CD59: variants seen among roughly 807,000 people sequenced by gnomAD.
CD59 encodes the protein CD59 molecule (CD59 blood group).
In CD59, 3 loss-of-function variants were observed where a neutral mutation model predicts 7.0. The observed-to-expected ratio is 0.43, with a 90% confidence interval of 0.19 to 1.10. CD59 has a LOEUF of 1.10. Among genes scored for constraint, CD59 ranks in the 50% least tolerant of loss-of-function variants. The pLI is 0.29. For synonymous variants in CD59, 60 were observed against 62.0 expected (o/e 0.97, Z 0.15); for missense variants, 143 against 151.0 (o/e 0.95, Z 0.28).
At position 33,703,491 on chromosome 11, in the gene CD59, T is replaced by C. The variant is rs1189143290; in HGVS notation, c.*6635A>G. 1 of 152,208 alleles carries C rather than the reference T, an allele frequency of 6.6e-6. No individual in the cohort carries two copies. Among genetic ancestry groups the C allele is most frequent in the African/African-American group, 2.4e-5 (1 of 41,442 alleles). The allele number at this position is 152,208 out of a possible 1,614,324, so 9.4% of individuals were successfully genotyped here. A position where few individuals can be genotyped will look rare whatever the true frequency, so the allele number is the denominator to read the frequency against. On this transcript the variant is annotated 3_prime_UTR_variant, in exon 4 of 4. Transcript: ENST00000642928. ...AAATGCCCCATTAAGTACCATCCTG[T>C]TGGAGCTTCCTAACGCCCCTGCTCC... is the stretch of plus-strand genomic sequence containing the variant.
In CD59 at chr11:33,724,867, T is replaced by C. The variant is rs1370968479; in HGVS notation, c.-18-2404A>G. On this transcript the variant is annotated intron_variant, in intron 1 of 3. Coordinates refer to ENST00000642928, the MANE Select transcript of CD59 (RefSeq NM_000611.6). ...AGCAGAGAAAGGAAGTAGCTATGTG[T>C]AGATGCCAAGGTCGGGCTGTTCCAT... Among the ~76,000 whole-genome samples the C allele has an allele frequency of 2.0e-5, 3 of 152,116 alleles. No homozygotes were observed. The East Asian group carries it at 5.8e-4, about 29-fold the overall frequency.
At position 33,722,400 on chromosome 11, in the gene CD59, G is replaced by A. The variant is rs781460834; in HGVS notation, c.46C>T (p.Leu16=). 124 of 1,613,924 alleles carry A rather than the reference G, an allele frequency of 7.7e-5. No homozygotes were observed. The highest frequency in any genetic ancestry group is 1.0e-4 in the Non-Finnish European group (121 of 1,179,784). The part of the protein sequence containing the change: ...GSVLFGLLLV[L]AVFCHSGHSL... Reference sequence around the variant, plus strand: ...TCACCTGAATGGCAGAAGACAGCCAGGACGAGCAGCAGCCCGAACAGGACA... The same window carrying A: ...TCACCTGAATGGCAGAAGACAGCCAAGACGAGCAGCAGCCCGAACAGGACA... Residue 16 remains leucine, a synonymous_variant, in exon 2 of 4, where the codon CTG becomes TTG. Coordinates refer to ENST00000642928, the MANE Select transcript of CD59 (RefSeq NM_000611.6).
At chr11:33,713,634 C>G (rs1040853755) in intron 3 of CD59, among the ~76,000 whole-genome samples, 2 of 152,106 alleles carry the variant, frequency 1.3e-5, no homozygotes, top group African/African-American at 4.8e-5. Context: ...ACAGTAATTA[C>G]GCATTGGAAC....
intron 3 of CD59, among the ~76,000 whole-genome samples, chr11:33,713,418 T>C (rs966433056): frequency 6.6e-6 from 1 of 152,222 alleles, no homozygotes; most frequent in East Asian, 1.9e-4. Flanking sequence ...ACTTCTCAGT[T>C]TATAACTGCA....
At position 33,709,479 on chromosome 11, in the gene CD59, G is replaced by T. The variant is rs1853447523; in HGVS notation, c.*647C>A. 6.2e-6 allele frequency: 1 copy of T among 161,148 alleles called. No individual in the cohort carries two copies. The highest frequency in any genetic ancestry group is 2.4e-5 in the African/African-American group (1 of 41,448). The allele number at this position is 161,148 out of a possible 1,614,324, so 10.0% of individuals were successfully genotyped here. On this transcript the variant is annotated 3_prime_UTR_variant, in exon 4 of 4. Coordinates refer to ENST00000642928, the MANE Select transcript of CD59 (RefSeq NM_000611.6). ...ATGTATGCTATTACACTTTTCCAGT[G>T]GAAGATAACAAAGCCCATATAAAAT...
rs1413341869 is a variant in CD59, at chr11:33,703,533, C to T, written c.*6593G>A. ...CCCTGCTCCCTGGTTTCATTTGGAA[C>T]CAACTGAGAGACACAAGTCCCTCTT... On this transcript the variant is annotated 3_prime_UTR_variant, in exon 4 of 4. Transcript: ENST00000642928. 6.6e-6 allele frequency: 1 copy of T among 152,208 alleles called. No individual in the cohort carries two copies. Among genetic ancestry groups the T allele is most frequent in the Non-Finnish European group, 1.5e-5 (1 of 68,042 alleles). The allele number at this position is 152,208 out of a possible 1,614,324, so 9.4% of individuals were successfully genotyped here.
intron 2 of CD59, 49 bp from the exon 3 acceptor site, chr11:33,717,520 C>T: frequency 8.6e-7 from 1 of 1,160,182 alleles, no homozygotes; most frequent in Non-Finnish European, 1.3e-6. Context: ...ACTGACTTGT[C>T]CCCTGGCAGC....
At chr11:33,720,754 C>A (rs905425067) in intron 2 of CD59, among the ~76,000 whole-genome samples, 1 of 150,018 alleles carries the variant, frequency 6.7e-6, no homozygotes, top group Non-Finnish European at 1.5e-5. Context: ...CAAAAAAAAA[C>A]AAGCAATAGG....
At chr11:33,715,103 TAGA>T (rs1217207320) in intron 3 of CD59, among the ~76,000 whole-genome samples, 1 of 151,968 alleles carries the variant, frequency 6.6e-6, no homozygotes, top group Non-Finnish European at 1.5e-5. Flanking sequence ...TTTTAGTAAG[TAGA>T]AGGACTACAT....
chr11:33,706,739 C>T lies in CD59; in HGVS notation c.*3387G>A, dbSNP rs1452851960. 1 of 152,176 alleles carries T rather than the reference C, an allele frequency of 6.6e-6. No homozygotes were observed. The highest frequency in any genetic ancestry group is 1.9e-4 in the East Asian group (1 of 5,192). The allele number at this position is 152,176 out of a possible 1,614,324, so 9.4% of individuals were successfully genotyped here. ...GTGTTTTGATATGATTTTCTGTTTA[C>T]AGGAAGGCCTAACTACGTCCTGTTC... is the stretch of plus-strand genomic sequence containing the variant. On this transcript the variant is annotated 3_prime_UTR_variant, in exon 4 of 4. Transcript: ENST00000642928.
chr11:33,712,919 T>C (rs994837562), intron 3 of CD59, among the ~76,000 whole-genome samples: 3 of 152,252 alleles, frequency 2.0e-5, no homozygotes, highest in Admixed American at 6.5e-5. Context: ...AATAGTGTTA[T>C]CATCATGGAA....
intron 3 of CD59, among the ~76,000 whole-genome samples, chr11:33,715,809 T>A (rs74841978): frequency 6.6e-6 from 1 of 152,206 alleles, no homozygotes; most frequent in Non-Finnish European, 1.5e-5. Context: ...ACCTCTGCTG[T>A]CCAACACATA....
intron 1 of CD59, 132 bp from the exon 2 acceptor site, chr11:33,722,595 C>A (rs1041929623): frequency 6.6e-6 from 10 of 1,522,638 alleles, no homozygotes; most frequent in Non-Finnish European, 8.8e-6. Context: ...CACACTGAAT[C>A]CCTGGGCCAT....
intron 3 of CD59, among the ~76,000 whole-genome samples, chr11:33,716,604 G>T (rs1308962092): frequency 6.6e-6 from 1 of 152,222 alleles, no homozygotes; most frequent in Non-Finnish European, 1.5e-5. Flanking sequence ...GTCTTTGCTG[G>T]TTTCTTTCCT....
chr11:33,714,924 C>T (rs1194393373), intron 3 of CD59, among the ~76,000 whole-genome samples: 2 of 150,808 alleles, frequency 1.3e-5, no homozygotes, highest in Admixed American at 6.6e-5. Context: ...GAAGGACCTG[C>T]CTGCTGAGGC....
At chr11:33,716,293 T>C (rs188024861) in intron 3 of CD59, among the ~76,000 whole-genome samples, 4 of 152,346 alleles carry the variant, frequency 2.6e-5, no homozygotes, top group African/African-American at 7.2e-5. Flanking sequence ...GATTTCTCCT[T>C]TCTGGGGAAG....
In CD59 at chr11:33,710,028, GATCC is replaced by G; in HGVS notation, c.*94_*97del. 1.0e-6 allele frequency: 1 copy of G among 970,478 alleles called. No individual in the cohort carries two copies. 60.1% of individuals were successfully genotyped at this position (970,478 alleles called of 1,614,324 possible). ...AGCTAATTTTATTCTTTCCCAACAG[GATCC>G]ATTTGGAAAATATCAAGCCTTTAGA... On this transcript the variant is annotated 3_prime_UTR_variant, in exon 4 of 4. Coordinates refer to ENST00000642928, the MANE Select transcript of CD59 (RefSeq NM_000611.6).
chr11:33,711,283 A>G (rs1352302904), intron 3 of CD59: 17 of 627,612 alleles, frequency 2.7e-5, no homozygotes, highest in Non-Finnish European at 4.8e-5. Context: ...CCTGGTCAAC[A>G]TGGCAAGACC....
At chr11:33,716,490 T>G (rs17760306) in intron 3 of CD59, among the ~76,000 whole-genome samples, 17,459 of 152,100 alleles carry the variant, frequency 0.11, 1,376 homozygotes, top group Non-Finnish European at 0.16. Flanking sequence ...CCTGAGGGTT[T>G]TACCTTGGAC....
Sources: allele counts gnomAD v4.1 joint callset (sites outside exome capture counted in the v4.1 genomes callset), GRCh38; gene constraint gnomAD v4.1.1; transcripts MANE v1.5; gene names NCBI Gene and HGNC (gene_info 2026-07-23, HGNC 2026-07-21).